PIK3R3: variants seen among roughly 807,000 people sequenced by gnomAD.
The protein encoded by PIK3R3 is phosphatidylinositol 3-kinase regulatory subunit gamma.
PIK3R3 carries 64 observed loss-of-function variants against 62.9 expected under a neutral mutation model. The ratio of observed to expected loss-of-function variants is 1.02; its 90% confidence interval spans 0.83 to 1.25. The LOEUF (loss-of-function observed/expected upper bound fraction) is 1.25. Ranked by LOEUF, PIK3R3 falls within the 50% of genes most tolerant of loss-of-function variation. The pLI, the probability that PIK3R3 is intolerant of heterozygous loss-of-function variation, is 0.00. For synonymous variants in PIK3R3, 165 were observed against 189.0 expected (o/e 0.87, Z 1.04); for missense variants, 614 against 561.6 (o/e 1.09, Z -0.94).
intron 3 of PIK3R3, among the ~76,000 whole-genome samples, chr1:46,069,416 G>A (rs1649294596): frequency 6.6e-6 from 1 of 151,890 alleles, no homozygotes; most frequent in Non-Finnish European, 1.5e-5. Flanking sequence ...CTATTCAGGA[G>A]CCTGAGGCAG....
At chr1:46,163,047 A>G in the PIK3R3 span, among the ~76,000 whole-genome samples, 2 of 152,214 alleles carry the variant, frequency 1.3e-5, no homozygotes, top group Non-Finnish European at 2.9e-5. Context: ...GTTCTTACCT[A>G]TGAAGAATAT....
chr1:46,133,266 C>T (rs1293139872), upstream of PIK3R3, among the ~76,000 whole-genome samples: 2 of 152,244 alleles, frequency 1.3e-5, no homozygotes, highest in Non-Finnish European at 2.9e-5. Context: ...TACTGACAGG[C>T]TGGGCGAGCG....
intron 7 of PIK3R3, among the ~76,000 whole-genome samples, chr1:46,051,801 A>G (rs1647375149): frequency 6.6e-6 from 1 of 152,186 alleles, no homozygotes; most frequent in Non-Finnish European, 1.5e-5. Context: ...ACTAAACCCT[A>G]TATATACTGT....
chr1:46,124,419 C>T (rs1017443551), intron 1 of PIK3R3, among the ~76,000 whole-genome samples: 2 of 152,192 alleles, frequency 1.3e-5, no homozygotes, highest in East Asian at 1.9e-4. Context: ...CACATAGATA[C>T]ATTTATATTT....
At chr1:46,143,999 C>T in the PIK3R3 span, among the ~76,000 whole-genome samples, 4 of 152,196 alleles carry the variant, frequency 2.6e-5, no homozygotes, top group African/African-American at 9.6e-5. Flanking sequence ...TTTAGTACCT[C>T]TGGCCAGTTC....
chr1:46,105,137 G>T, intron 1 of PIK3R3: 1 of 694,690 alleles, frequency 1.4e-6, no homozygotes, highest in Non-Finnish European at 2.6e-6. Flanking sequence ...CCTGTCCCCT[G>T]ATGGGAGAGT....
chr1:46,150,941 TG>T, the PIK3R3 span, among the ~76,000 whole-genome samples: 37 of 151,648 alleles, frequency 2.4e-4, no homozygotes, highest in African/African-American at 8.5e-4. Flanking sequence ...CAGGAGTAAC[TG>T]GGATTACAGG....
chr1:46,094,890 G>A (rs1448438852), intron 1 of PIK3R3, among the ~76,000 whole-genome samples: 5 of 152,192 alleles, frequency 3.3e-5, no homozygotes, highest in African/African-American at 1.2e-4. Context: ...AGAAAACTGT[G>A]CCATTTCCAG....
intron 1 of PIK3R3, among the ~76,000 whole-genome samples, chr1:46,110,275 CT>C (rs35873858): frequency 0.52 from 37,001 of 71,386 alleles, 8,641 homozygotes; most frequent in Non-Finnish European, 0.56. Context: ...CCAGGCTTGG[CT>C]TTTTTTTTTT....
chr1:46,048,807 C>T (rs1647182450), intron 7 of PIK3R3, among the ~76,000 whole-genome samples: 1 of 152,134 alleles, frequency 6.6e-6, no homozygotes, highest in African/African-American at 2.4e-5. Flanking sequence ...GGCAACTTTT[C>T]CAATCTCCTA....
chr1:46,159,698 C>T, the PIK3R3 span, among the ~76,000 whole-genome samples: 25 of 151,704 alleles, frequency 1.6e-4, no homozygotes, highest in Non-Finnish European at 1.8e-4. Context: ...TGTGTTATCC[C>T]CGTCCTGCAC....
chr1:46,110,203 G>A (rs1424001521), intron 1 of PIK3R3, among the ~76,000 whole-genome samples: 1 of 148,036 alleles, frequency 6.8e-6, no homozygotes, highest in African/African-American at 2.5e-5. Flanking sequence ...CCTCTACCTC[G>A]CAGGTTCAAG....
At chr1:46,061,124 C>T (rs1648438162) in intron 6 of PIK3R3, among the ~76,000 whole-genome samples, 1 of 152,224 alleles carries the variant, frequency 6.6e-6, no homozygotes, top group Non-Finnish European at 1.5e-5. Flanking sequence ...CCCTAGTGAG[C>T]TCCATTTGTG....
At chr1:46,135,118 C>G (rs750261084), upstream of PIK3R3, among the ~76,000 whole-genome samples, 1 of 152,230 alleles carries the variant, frequency 6.6e-6, no homozygotes, top group South Asian at 2.1e-4. Flanking sequence ...TCTGGTCTTT[C>G]TTTCAGTTGA....
chr1:46,051,163 A>G (rs1467942767), intron 7 of PIK3R3, among the ~76,000 whole-genome samples: 1 of 152,214 alleles, frequency 6.6e-6, no homozygotes, highest in Non-Finnish European at 1.5e-5. Flanking sequence ...ATTGAATAAT[A>G]CACTTTAAAT....
At position 46,042,183 on chromosome 1, in the gene PIK3R3, G is replaced by A. The variant is rs1431571351; in HGVS notation, c.*1490C>T. The A allele has an allele frequency of 9.0e-6, 2 of 222,548 alleles. No individual in the cohort carries two copies. Among genetic ancestry groups the A allele is most frequent in the African/African-American group, 2.2e-5 (1 of 44,766 alleles). The allele number at this position is 222,548 out of a possible 1,614,324, so 13.8% of individuals were successfully genotyped here. On this transcript the variant is annotated 3_prime_UTR_variant, in exon 10 of 10. Coordinates refer to ENST00000262741, the MANE Select transcript of PIK3R3 (RefSeq NM_003629.4). The surrounding 1 kb of genome is among the most constrained non-coding windows in gnomAD (Gnocchi z 4.3). Reference sequence around the variant, plus strand: ...TGACTGATGGGTGTGGGGCATGATGGGGGCAGGAATAGATGCCTGCCCCCA... The same window carrying A: ...TGACTGATGGGTGTGGGGCATGATGAGGGCAGGAATAGATGCCTGCCCCCA...
chr1:46,054,870 T>C (rs1034488014), intron 7 of PIK3R3, among the ~76,000 whole-genome samples: 3 of 152,192 alleles, frequency 2.0e-5, no homozygotes, highest in African/African-American at 7.2e-5. Flanking sequence ...GTGCCTTCTA[T>C]AGATACATTT....
At chr1:46,049,475 G>GACAGAAAACGGTGCC (rs1342364837) in intron 7 of PIK3R3, among the ~76,000 whole-genome samples, 4 of 152,236 alleles carry the variant, frequency 2.6e-5, no homozygotes, top group Non-Finnish European at 5.9e-5. Context: ...AAAACGGGGT[G>GACAGAAAACGGTGCC]ACAGAAAACG....
chr1:46,062,030 T>C lies in PIK3R3; in HGVS notation c.663A>G (p.Glu221=). 1 of 1,610,656 alleles carries C rather than the reference T, an allele frequency of 6.2e-7. No individual in the cohort carries two copies. ...MKRTAIEAFN[E]TIKIFEEQCH... The stretch of plus-strand genomic sequence containing the variant: ...ACTGCTCTTCAAATATTTTAATTGT[T>C]TCATTAAAAGCTTCTATTGCAGTCC... The change falls in exon 6 of 10, where the codon GAA becomes GAG. Residue 221 remains glutamate (E), a synonymous_variant. Coordinates refer to ENST00000262741, the MANE Select transcript of PIK3R3 (RefSeq NM_003629.4).
Sources: allele counts gnomAD v4.1 joint callset (sites outside exome capture counted in the v4.1 genomes callset), GRCh38; gene constraint gnomAD v4.1.1; non-coding constraint Gnocchi (gnomAD v3.1); transcripts MANE v1.5; gene names NCBI Gene and HGNC (gene_info 2026-07-23, HGNC 2026-07-21).